Variants in DPP9 observed in about 807,000 individuals in gnomAD.
DPP9 encodes dipeptidyl peptidase 9.
DPP9 carries 50 observed loss-of-function variants against 110.7 expected under a neutral mutation model. That is an observed-to-expected ratio of 0.45 (90% CI 0.36 to 0.57). The LOEUF is 0.57. DPP9 is among the 20% of genes least tolerant of loss of function. The pLI is 0.00. For missense variants in DPP9, 1,022 were observed against 1,217.9 expected (o/e 0.84, Z 2.39); for synonymous variants, 561 against 514.4 (o/e 1.09, Z -1.23).
In DPP9 at chr19:4,682,330, C is replaced by G. The variant is rs2090016098; in HGVS notation, c.2474+366G>C. ...CCCTGTGGACATCTATGTCCTGAAG[C>G]ACAAGACAGAGGCTGTGATGGGGCC... On this transcript the variant is annotated intron_variant, in intron 20 of 21. Transcript: ENST00000262960. The surrounding 1 kb of genome is among the most constrained non-coding windows in gnomAD (Gnocchi z 7.1). 6.6e-6 allele frequency among the ~76,000 whole-genome samples: 1 copy of G among 152,188 alleles called. No homozygotes were observed. The highest frequency in any genetic ancestry group is 2.4e-5 in the African/African-American group (1 of 41,442).
chr19:4,697,770 C>A lies in DPP9; in HGVS notation c.1075-119G>T, dbSNP rs1254953498. On this transcript the variant is annotated intron_variant, in intron 10 of 21. Coordinates refer to ENST00000262960, the MANE Select transcript of DPP9 (RefSeq NM_139159.5). ...CCAAATTCATATGCTGGAGTCTCAGCCCCCAGAACCCCAGAACGCAACCTT... is the reference window on the plus strand; with the variant it reads ...CCAAATTCATATGCTGGAGTCTCAGACCCCAGAACCCCAGAACGCAACCTT... The A allele has an allele frequency of 8.1e-6, 6 of 744,916 alleles. No homozygotes were observed. In the East Asian group the frequency reaches 1.7e-4, roughly 21 times the overall value. 46.1% of individuals were successfully genotyped at this position (744,916 alleles called of 1,614,324 possible).
chr19:4,714,301 G>C lies in DPP9; in HGVS notation c.93C>G (p.Ala31=). ...GGTCGGCCGTTGGGGTCCCGGTGGT[G>C]GCCATCCTCTCAGCCCCCTCGGAAT... ...SLNSEGAERM[A]TTGTPTADRG... is the part of the protein sequence containing the mutation. The change falls in exon 4 of 22, where the codon GCC becomes GCG. Residue 31 remains alanine, a synonymous_variant. Coordinates refer to ENST00000262960, the MANE Select transcript of DPP9 (RefSeq NM_139159.5). The C allele has an allele frequency of 6.5e-7, 1 of 1,537,828 alleles. No homozygotes were observed. The highest frequency in any genetic ancestry group is 1.2e-5 in the South Asian group (1 of 84,704).
chr19:4,696,854 T>G (rs868108425), intron 11 of DPP9, among the ~76,000 whole-genome samples: 1 of 152,128 alleles, frequency 6.6e-6, no homozygotes, highest in South Asian at 2.1e-4. Flanking sequence ...TAACATTCCA[T>G]TGGAGGCATT....
At position 4,689,442 on chromosome 19, in the gene DPP9, C is replaced by G. The variant is rs1174112725; in HGVS notation, c.1749+128G>C. 3.1e-6 allele frequency: 4 copies of G among 1,277,968 alleles called. No homozygotes were observed. The highest frequency in any genetic ancestry group is 4.2e-6 in the Non-Finnish European group (4 of 943,428). 79.2% of individuals were successfully genotyped at this position (1,277,968 alleles called of 1,614,324 possible). On this transcript the variant is annotated intron_variant, in intron 15 of 21. Coordinates refer to ENST00000262960, the MANE Select transcript of DPP9 (RefSeq NM_139159.5). The surrounding 1 kb of genome is among the most constrained non-coding windows in gnomAD (Gnocchi z 7.0). The stretch of plus-strand genomic sequence containing the variant: ...GAGGCAGGGGTGGGCACTGCCTGCC[C>G]CAAGGCAGCTATGAGAATGCGAGAC...
chr19:4,705,178 T>C (rs900152106), intron 5 of DPP9, among the ~76,000 whole-genome samples: 7 of 152,154 alleles, frequency 4.6e-5, no homozygotes, highest in African/African-American at 1.4e-4. Flanking sequence ...TGTTACATTG[T>C]TATGTTTATG....
In DPP9 at chr19:4,685,969, CTT is replaced by C; in HGVS notation, c.1886-200_1886-199del. 1.8e-6 allele frequency: 1 copy of C among 570,842 alleles called. No homozygotes were observed. The highest frequency in any genetic ancestry group is 3.2e-5 in the Admixed American group (1 of 31,358). 35.4% of individuals were successfully genotyped at this position (570,842 alleles called of 1,614,324 possible). On this transcript the variant is annotated intron_variant, in intron 16 of 21. Coordinates refer to ENST00000262960, the MANE Select transcript of DPP9 (RefSeq NM_139159.5). The surrounding 1 kb of genome is among the most constrained non-coding windows in gnomAD (Gnocchi z 5.8). ...TGTACAGTTTTTGTAGAGATGGGGTCTTGTCTCCCTGTTGCCCAGGCTGGTCT... is the reference window on the plus strand; with the variant it reads ...TGTACAGTTTTTGTAGAGATGGGGTCGTCTCCCTGTTGCCCAGGCTGGTCT...
chr19:4,714,078 T>C lies in DPP9; in HGVS notation c.313+3A>G, dbSNP rs1341889068. On this transcript the variant is annotated splice_donor_region_variant and intron_variant, in intron 4 of 21. Transcript: ENST00000262960. ...CCCAAGCAGCCTGCAGGGCCCGGCTTACCCAGGTAGTAGAGGCGGTGGGAG... is the reference window on the plus strand; with the variant it reads ...CCCAAGCAGCCTGCAGGGCCCGGCTCACCCAGGTAGTAGAGGCGGTGGGAG... 6.2e-7 allele frequency: 1 copy of C among 1,609,530 alleles called. No homozygotes were observed. Among genetic ancestry groups the C allele is most frequent in the East Asian group, 2.2e-5 (1 of 44,810 alleles).
chr19:4,721,614 C>G (rs2093326344), intron 2 of DPP9, among the ~76,000 whole-genome samples: 1 of 152,168 alleles, frequency 6.6e-6, no homozygotes, highest in Admixed American at 6.5e-5. Context: ...AACTCCAGCT[C>G]TACTAAAAAT....
chr19:4,689,623 C>A lies in DPP9; in HGVS notation c.1696G>T (p.Glu566Ter). Residue 566 changes from glutamate (E) to a stop codon, truncating the protein, a stop_gained, in exon 15 of 22, where the codon GAG (glutamate) becomes TAG (stop). Transcript: ENST00000262960. LOFTEE classifies it high-confidence loss of function. The surrounding 1 kb of genome is among the most constrained non-coding windows in gnomAD (Gnocchi z 7.0). The stretch of plus-strand genomic sequence containing the variant: ...CCGGGCGTGGTGAGGCGTACGATCT[C>A]GCCGGCCGCCTCATAGCTGACCACG... The part of the protein sequence containing the change: ...LYVVSYEAAG[E>*]IVRLTTPGFS... 6.4e-7 allele frequency: 1 copy of A among 1,572,348 alleles called. No homozygotes were observed. Among genetic ancestry groups the A allele is most frequent in the Non-Finnish European group, 8.6e-7 (1 of 1,159,270 alleles).
chr19:4,676,496 T>TC lies in DPP9; in HGVS notation c.*67dup. The TC allele has an allele frequency of 7.2e-7, 1 of 1,394,938 alleles. No individual in the cohort carries two copies. Among genetic ancestry groups the TC allele is most frequent in the Non-Finnish European group, 9.9e-7 (1 of 1,005,392 alleles). 86.4% of individuals were successfully genotyped at this position (1,394,938 alleles called of 1,614,324 possible). On this transcript the variant is annotated 3_prime_UTR_variant, in exon 22 of 22. Transcript: ENST00000262960. This position sits in a 1 kb window ranked among gnomAD's most constrained non-coding sequence, Gnocchi z 4.0. ...TGGGGCCCGCGGGCCACTCAGTCCCTCCCGCCTGGTTCCCCGCGGAGGCTG... is the reference window on the plus strand; with the variant it reads ...TGGGGCCCGCGGGCCACTCAGTCCCTCCCCGCCTGGTTCCCCGCGGAGGCTG...
intron 21 of DPP9, among the ~76,000 whole-genome samples, chr19:4,678,031 G>A (rs557276888): frequency 5.9e-5 from 9 of 152,150 alleles, no homozygotes; most frequent in Non-Finnish European, 1.2e-4. Flanking sequence ...CTCATCTCAC[G>A]TTCTACTTCC....
chr19:4,690,521 G>C (rs1415212362), intron 14 of DPP9, among the ~76,000 whole-genome samples: 1 of 152,208 alleles, frequency 6.6e-6, no homozygotes, highest in Non-Finnish European at 1.5e-5. Flanking sequence ...AAGGCAGCTG[G>C]ACGCATGGCC....
intron 14 of DPP9, 113 bp downstream of exon 14, chr19:4,690,753 GTATGTGTGAGAA>G: frequency 1.3e-6 from 1 of 781,902 alleles, no homozygotes; most frequent in Non-Finnish European, 2.1e-6. Context: ...GTGCGTGTGT[GTATGTGTGAGAA>G]TGAGTATGTG....
rs191514437 is a variant in DPP9, at chr19:4,698,961, G to A, written c.1074+1255C>T. Among the ~76,000 whole-genome samples the A allele has an allele frequency of 4.1e-3, 626 of 151,804 alleles. 1 individual carries two copies. Among genetic ancestry groups the A allele is most frequent in the Middle Eastern group, 0.031 (9 of 294 alleles). On this transcript the variant is annotated intron_variant, in intron 10 of 21. Coordinates refer to ENST00000262960, the MANE Select transcript of DPP9 (RefSeq NM_139159.5). This position sits in a 1 kb window ranked among gnomAD's most constrained non-coding sequence, Gnocchi z 4.2. The stretch of plus-strand genomic sequence containing the variant: ...ATCACGAGGTCAGGAGATTGAGACC[G>A]TCCTGGCTAACACGGTGAAACCCCG...
At position 4,697,661 on chromosome 19, in the gene DPP9, A is replaced by G; in HGVS notation, c.1075-10T>C. ...CCTGGGTCGAGACGATCTGAAGGGA[A>G]ACAAACAGGTGTGGGTCATGCCCTG... On this transcript the variant is annotated splice_polypyrimidine_tract_variant and intron_variant, in intron 10 of 21. Transcript: ENST00000262960. 6.2e-7 allele frequency: 1 copy of G among 1,612,966 alleles called. No individual in the cohort carries two copies.
rs139237254 is a variant in DPP9, at chr19:4,705,999, G to A, written c.314-29C>T. 71 of 1,594,172 alleles carry A rather than the reference G, an allele frequency of 4.5e-5. No individual in the cohort carries two copies. In the East Asian group the frequency reaches 1.1e-3, roughly 24 times the overall value. The stretch of plus-strand genomic sequence containing the variant: ...AAGGGAGAAAGGAAACACCCAGAAC[G>A]GGTACCCTGGCTCAGGATGGGGAGA... On this transcript the variant is annotated intron_variant, in intron 4 of 21. Transcript: ENST00000262960.
intron 21 of DPP9, among the ~76,000 whole-genome samples, chr19:4,678,199 G>A (rs1398977674): frequency 6.6e-6 from 1 of 151,440 alleles, no homozygotes; most frequent in Non-Finnish European, 1.5e-5. Context: ...TGGAACCTCC[G>A]CCTCCCAGGT....
chr19:4,714,961 C>T (rs560909701), intron 3 of DPP9, among the ~76,000 whole-genome samples: 7 of 149,064 alleles, frequency 4.7e-5, no homozygotes, highest in African/African-American at 7.4e-5. Context: ...CCCTCCTGCT[C>T]GGAGTGCATT....
chr19:4,702,070 C>A lies in DPP9; in HGVS notation c.969G>T (p.Ala323=), dbSNP rs201483284. 2 of 1,613,970 alleles carry A rather than the reference C, an allele frequency of 1.2e-6. No homozygotes were observed. Among genetic ancestry groups the A allele is most frequent in the Admixed American group, 1.7e-5 (1 of 60,018 alleles). Reference sequence around the variant, plus strand: ...ACGAGTCCGTCTTCCTTTCTTCTAGCGCAGGAGAGGGGACGTGAATGACCT... The same window carrying A: ...ACGAGTCCGTCTTCCTTTCTTCTAGAGCAGGAGAGGGGACGTGAATGACCT... ...EVEVIHVPSP[A]LEERKTDSYR... The change falls in exon 9 of 22, where the codon GCG becomes GCT. Residue 323 remains alanine, a synonymous_variant. Transcript: ENST00000262960.
Sources: allele counts gnomAD v4.1 joint callset (sites outside exome capture counted in the v4.1 genomes callset), GRCh38; gene constraint gnomAD v4.1.1; non-coding constraint Gnocchi (gnomAD v3.1); transcripts MANE v1.5; gene names NCBI Gene and HGNC (gene_info 2026-07-23, HGNC 2026-07-21).